Variants in LARGE1 observed in about 807,000 individuals in gnomAD.
The protein encoded by LARGE1 is xylosyl- and glucuronyltransferase LARGE1.
LARGE1 carries 43 observed loss-of-function variants against 87.6 expected under a neutral mutation model. The ratio of observed to expected loss-of-function variants is 0.49; its 90% confidence interval spans 0.38 to 0.63. LARGE1 has a LOEUF of 0.63. LARGE1 is among the 30% of genes least tolerant of loss of function. The pLI is 0.00. For synonymous variants in LARGE1, 434 were observed against 394.6 expected (o/e 1.10, Z -1.18); for missense variants, 802 against 1,000.2 (o/e 0.80, Z 2.67).
At chr22:33,832,668 C>T (rs2063005140) in intron 1 of LARGE1, among the ~76,000 whole-genome samples, 1 of 152,204 alleles carries the variant, frequency 6.6e-6, no homozygotes, top group African/African-American at 2.4e-5. Flanking sequence ...GCTGCAGCCC[C>T]AGACTTGCTA....
chr22:33,697,111 T>C lies in LARGE1; in HGVS notation c.107-46443A>G, dbSNP rs575523588. Among the ~76,000 whole-genome samples the C allele has an allele frequency of 3.9e-5, 6 of 151,972 alleles. No homozygotes were observed. The South Asian group carries it at 1.0e-3, about 26-fold the overall frequency. Reference sequence around the variant, plus strand: ...AGAGGCAAAAATGAATGCCAGGAGGTAGAGGATGCCCTTGGGCCTGCTTCT... The same window carrying C: ...AGAGGCAAAAATGAATGCCAGGAGGCAGAGGATGCCCTTGGGCCTGCTTCT... On this transcript the variant is annotated intron_variant, in intron 2 of 14. Transcript: ENST00000397394.
chr22:33,405,099 C>G (rs570353035), intron 7 of LARGE1, among the ~76,000 whole-genome samples: 10 of 152,242 alleles, frequency 6.6e-5, no homozygotes, highest in South Asian at 6.2e-4. Context: ...GTCTTTGTTT[C>G]TTTCTTTCTT....
At chr22:33,379,174 CTTT>C (rs11300534) in intron 9 of LARGE1, among the ~76,000 whole-genome samples, 5 of 137,332 alleles carry the variant, frequency 3.6e-5, no homozygotes, top group Non-Finnish European at 1.6e-5. Flanking sequence ...TGGGGAAGTT[CTTT>C]TTTTTTTTTT....
chr22:33,812,825 C>T (rs906541065), intron 1 of LARGE1, among the ~76,000 whole-genome samples: 1 of 152,190 alleles, frequency 6.6e-6, no homozygotes, highest in Non-Finnish European at 1.5e-5. Flanking sequence ...CACGCCAGGC[C>T]CTGTGCTAGA....
rs1215249518 is a variant in LARGE1, at chr22:33,585,724, T to TAAAACTCAGGTTTTA, written c.615+18710_615+18711insTAAAACCTGAGTTTT. ...TAAGGCACTTTACTCAGGTTATATATTAGATCACAACATAAAAGATCAGGA... is the reference window on the plus strand; with the variant it reads ...TAAGGCACTTTACTCAGGTTATATATAAAACTCAGGTTTTATAGATCACAACATAAAAGATCAGGA... On this transcript the variant is annotated intron_variant, in intron 5 of 14. Coordinates refer to ENST00000397394, the MANE Select transcript of LARGE1 (RefSeq NM_133642.5). Among the ~76,000 whole-genome samples the TAAAACTCAGGTTTTA allele has an allele frequency of 3.3e-5, 5 of 152,292 alleles. No homozygotes were observed. The East Asian group carries it at 7.7e-4, about 23-fold the overall frequency.
At chr22:33,454,703 C>T (rs1052191227) in intron 6 of LARGE1, among the ~76,000 whole-genome samples, 21 of 152,086 alleles carry the variant, frequency 1.4e-4, no homozygotes, top group African/African-American at 3.6e-4. Flanking sequence ...TGGCAGCCTC[C>T]GCTTCTGGGG....
intron 2 of LARGE1, among the ~76,000 whole-genome samples, chr22:33,702,036 G>T (rs192487358): frequency 6.6e-6 from 1 of 152,308 alleles, no homozygotes; most frequent in African/African-American, 2.4e-5. Flanking sequence ...CTTCTCATCT[G>T]CAAGAGCCGG....
intron 2 of LARGE1, among the ~76,000 whole-genome samples, chr22:33,739,206 C>A (rs769464188): frequency 6.6e-6 from 1 of 151,634 alleles, no homozygotes; most frequent in African/African-American, 2.4e-5. Flanking sequence ...ACTTGATGGG[C>A]GCTGAGTTAT....
At chr22:33,785,081 ACAT>A (rs2085571835) in intron 1 of LARGE1, among the ~76,000 whole-genome samples, 1 of 135,790 alleles carries the variant, frequency 7.4e-6, no homozygotes. Context: ...GTGTATACAT[ACAT>A]ATGTGTATAT....
chr22:33,199,670 G>C (rs779629335), intron 11 of LARGE1, among the ~76,000 whole-genome samples: 1 of 152,076 alleles, frequency 6.6e-6, no homozygotes, highest in African/African-American at 2.4e-5. Context: ...TTGATTGTAA[G>C]TATATGGCTT....
At chr22:33,494,881 G>A (rs571969142) in intron 6 of LARGE1, among the ~76,000 whole-genome samples, 1 of 152,274 alleles carries the variant, frequency 6.6e-6, no homozygotes, top group African/African-American at 2.4e-5. Flanking sequence ...GCAAATCTGG[G>A]AGAGGGCAGG....
intron 11 of LARGE1, among the ~76,000 whole-genome samples, chr22:33,177,622 C>T (rs1419658855): frequency 6.6e-6 from 1 of 152,088 alleles, no homozygotes; most frequent in Non-Finnish European, 1.5e-5. Context: ...AAAAAAAAAT[C>T]TCAGTCTAAA....
intron 7 of LARGE1, among the ~76,000 whole-genome samples, chr22:33,399,157 C>A (rs1046742495): frequency 2.0e-4 from 30 of 151,738 alleles, no homozygotes; most frequent in Non-Finnish European, 2.8e-4. Flanking sequence ...GACCAAGAGG[C>A]CCCCATGTGT....
chr22:33,077,210 ATTAAAG>A, the LARGE1 span, among the ~76,000 whole-genome samples: 2 of 152,236 alleles, frequency 1.3e-5, no homozygotes, highest in Non-Finnish European at 2.9e-5. Flanking sequence ...CATAATAATG[ATTAAAG>A]TTATTGAGTG....
intron 1 of LARGE1, among the ~76,000 whole-genome samples, chr22:33,908,680 C>A (rs533042695): frequency 2.6e-5 from 4 of 152,092 alleles, no homozygotes; most frequent in Non-Finnish European, 5.9e-5. Context: ...ACAGAACATC[C>A]TAGAGAAACC....
At chr22:33,236,982 A>G (rs1293591075) in intron 11 of LARGE1, among the ~76,000 whole-genome samples, 1 of 152,244 alleles carries the variant, frequency 6.6e-6, no homozygotes, top group African/African-American at 2.4e-5. Flanking sequence ...GGATGTGGAC[A>G]AGCTTTGAAA....
At chr22:33,797,519 C>T (rs1044597249) in intron 1 of LARGE1, among the ~76,000 whole-genome samples, 2 of 152,192 alleles carry the variant, frequency 1.3e-5, no homozygotes, top group Non-Finnish European at 2.9e-5. Flanking sequence ...GCCAGAGTTA[C>T]TCCAATGATG....
intron 1 of LARGE1, among the ~76,000 whole-genome samples, chr22:33,829,902 C>T (rs1160347211): frequency 6.6e-6 from 1 of 152,168 alleles, no homozygotes; most frequent in Non-Finnish European, 1.5e-5. Context: ...TAAGAAGAAA[C>T]CACCATTCCC....
At chr22:33,072,042 A>C in the LARGE1 span, among the ~76,000 whole-genome samples, 1 of 152,134 alleles carries the variant, frequency 6.6e-6, no homozygotes, top group East Asian at 1.9e-4. Flanking sequence ...GGGAACCATC[A>C]CTTTACTGGA....
Sources: allele counts gnomAD v4.1 joint callset (sites outside exome capture counted in the v4.1 genomes callset), GRCh38; gene constraint gnomAD v4.1.1; transcripts MANE v1.5; gene names NCBI Gene and HGNC (gene_info 2026-07-23, HGNC 2026-07-21).